FAM131B: variants seen among roughly 807,000 people sequenced by gnomAD.
FAM131B encodes family with sequence similarity 131 member B.
In FAM131B, 19 loss-of-function variants were observed where a neutral mutation model predicts 42.0. The observed-to-expected ratio is 0.45, with a 90% CI of 0.32 to 0.66. FAM131B has a LOEUF of 0.66. Ranked by LOEUF, FAM131B falls within the 30% of genes least tolerant of loss-of-function variation. The pLI is 0.05. For missense variants in FAM131B, 370 were observed against 468.4 expected, an observed-to-expected ratio of 0.79 and a Z score of 1.94; for synonymous variants, 183 against 177.6, an observed-to-expected ratio of 1.03 and a Z score of -0.24.
At position 143,356,787 on chromosome 7, in the gene FAM131B, C is replaced by A; in HGVS notation, c.846G>T (p.Gly282=). Residue 282 remains glycine, a synonymous_variant, in exon 7 of 7, where the codon GGG becomes GGT. Coordinates refer to ENST00000443739, the MANE Select transcript of FAM131B (RefSeq NM_001031690.3). This position sits in a 1 kb window ranked among gnomAD's most constrained non-coding sequence, Gnocchi z 4.4. ...CCCCCGGAGCCCAGTCAGTGTCTCC[C>A]CCCAGCAAAGGTGGAGGCTCCAGAG... is the stretch of plus-strand genomic sequence containing the variant. ...YSALEPPPLL[G]GDTDWAPGVG... The A allele has an allele frequency of 1.2e-6, 2 of 1,614,144 alleles. No homozygotes were observed.
At chr7:143,369,126 T>A in the FAM131B span, among the ~76,000 whole-genome samples, 1 of 152,190 alleles carries the variant, frequency 6.6e-6, no homozygotes, top group South Asian at 2.1e-4. Flanking sequence ...CAAGGAAAAT[T>A]CACCTCTCAG....
upstream of FAM131B, chr7:143,363,797 G>A (rs1804107361): frequency 6.6e-6 from 1 of 152,228 alleles, no homozygotes; most frequent in Non-Finnish European, 1.5e-5. Flanking sequence ...CCACTTTTAG[G>A]TCTCTCCGAG....
intron 6 of FAM131B, 56 bp downstream of exon 6, chr7:143,357,224 A>G: frequency 6.4e-7 from 1 of 1,570,718 alleles, no homozygotes; most frequent in Non-Finnish European, 8.7e-7. Context: ...GAGGCAGCTG[A>G]GATAGTTGGG....
At chr7:143,382,151 G>T in the FAM131B span, 1 of 1,045,552 alleles carries the variant, frequency 9.6e-7, no homozygotes, top group South Asian at 1.5e-5. Flanking sequence ...GGACCCCTGA[G>T]AGAGTTCTTG....
chr7:143,367,838 C>T, the FAM131B span, among the ~76,000 whole-genome samples: 3 of 152,210 alleles, frequency 2.0e-5, no homozygotes, highest in South Asian at 2.1e-4. Context: ...CCCCAAATCA[C>T]GTTCTGTAGG....
upstream of FAM131B, among the ~76,000 whole-genome samples, chr7:143,366,178 G>A (rs147353610): frequency 1.6e-4 from 24 of 152,292 alleles, no homozygotes; most frequent in African/African-American, 5.1e-4. Flanking sequence ...ATGGATACAC[G>A]TTCTTTCACG....
intron 1 of FAM131B, chr7:143,361,659 C>T (rs1803992060): frequency 6.7e-6 from 1 of 148,962 alleles, no homozygotes; most frequent in South Asian, 2.1e-4. Flanking sequence ...CGGATGAATT[C>T]GCTGAGCGGC....
At chr7:143,378,571 ATTTTT>A in the FAM131B span, among the ~76,000 whole-genome samples, 27 of 103,304 alleles carry the variant, frequency 2.6e-4, no homozygotes, top group Admixed American at 5.8e-4. Context: ...CATTTCCTGC[ATTTTT>A]TTTTTTTTTT....
At chr7:143,382,235 C>T in the FAM131B span, 2 of 1,610,850 alleles carry the variant, frequency 1.2e-6, no homozygotes, top group South Asian at 1.1e-5. Flanking sequence ...CGTCTTTCTC[C>T]TTCCTACCCC....
At chr7:143,373,984 A>C in the FAM131B span, among the ~76,000 whole-genome samples, 2 of 152,160 alleles carry the variant, frequency 1.3e-5, no homozygotes, top group South Asian at 4.1e-4. Context: ...TTTACTCAGA[A>C]AGTGCATACC....
At position 143,358,763 on chromosome 7, in the gene FAM131B, G is replaced by T; in HGVS notation, c.466+64C>A. The T allele has an allele frequency of 7.6e-7, 1 of 1,324,356 alleles. No individual in the cohort carries two copies. Among genetic ancestry groups the T allele is most frequent in the Non-Finnish European group, 1.1e-6 (1 of 930,814 alleles). 82.0% of individuals were successfully genotyped at this position (1,324,356 alleles called of 1,614,324 possible). On this transcript the variant is annotated intron_variant, in intron 5 of 6. Coordinates refer to ENST00000443739, the MANE Select transcript of FAM131B (RefSeq NM_001031690.3). This position sits in a 1 kb window ranked among gnomAD's most constrained non-coding sequence, Gnocchi z 4.7. ...GAGCTAATCCTGCCACAGGGGATCA[G>T]GTTGGAGGGTCGGTCCCTGGCCATC...
Position 143,362,658 on chromosome 7 carries a change from G to T in FAM131B, c.-55C>A. On this transcript the variant is annotated 5_prime_UTR_variant, in exon 1 of 7. Transcript: ENST00000443739. The surrounding 1 kb of genome is among the most constrained non-coding windows in gnomAD (Gnocchi z 7.7). Reference sequence around the variant, plus strand: ...ACCGACTCGGGGCGCGCGCCGGGGGGAGCACCGGGAGCCGCGCCGCCGCCC... The same window carrying T: ...ACCGACTCGGGGCGCGCGCCGGGGGTAGCACCGGGAGCCGCGCCGCCGCCC... The T allele has an allele frequency of 9.4e-7, 1 of 1,068,862 alleles. No individual in the cohort carries two copies. Among genetic ancestry groups the T allele is most frequent in the Non-Finnish European group, 1.2e-6 (1 of 851,864 alleles). 66.2% of individuals were successfully genotyped at this position (1,068,862 alleles called of 1,614,324 possible).
chr7:143,362,754 C>T (rs927536330), upstream of FAM131B: 3 of 272,790 alleles, frequency 1.1e-5, no homozygotes, highest in Non-Finnish European at 1.9e-5. The surrounding 1 kb of genome is among the most constrained non-coding windows in gnomAD (Gnocchi z 7.7). Context: ...TCCCTCCCCA[C>T]GGCAGCTCCG....
At position 143,354,370 on chromosome 7, in the gene FAM131B, A is replaced by C. The variant is rs117785146; in HGVS notation, c.*2180T>G. 2,378 of 152,352 alleles carry C rather than the reference A, an allele frequency of 0.016. 23 individuals are homozygous for C. The highest frequency in any genetic ancestry group is 0.022 in the Non-Finnish European group (1,471 of 68,038). The allele number at this position is 152,352 out of a possible 1,614,324, so 9.4% of individuals were successfully genotyped here. On this transcript the variant is annotated 3_prime_UTR_variant, in exon 7 of 7. Transcript: ENST00000443739. ...CCGGGCCTGAGCAAAAACGAACTGT[A>C]ATGAATGAACGCACTCACTAGGTGA... is the stretch of plus-strand genomic sequence containing the variant.
In FAM131B at chr7:143,357,001, A is replaced by C. The variant is rs573055780; in HGVS notation, c.632T>G (p.Met211Arg). The C allele has an allele frequency of 6.2e-7, 1 of 1,612,730 alleles. No individual in the cohort carries two copies. The highest frequency in any genetic ancestry group is 8.5e-7 in the Non-Finnish European group (1 of 1,179,108). The change falls in exon 7 of 7, where the codon ATG (methionine) becomes AGG (arginine). Residue 211 changes from methionine to arginine, a missense_variant. Coordinates refer to ENST00000443739, the MANE Select transcript of FAM131B (RefSeq NM_001031690.3). ...DSQDALAQAP[M>R]DGWPHSYVSQ... is the part of the protein sequence containing the mutation. ...CACGTAAGAGTGAGGCCATCCATCC[A>C]TGGGTGCTTGAGCCAGGGCATCTGG...
At chr7:143,367,516 C>A (rs1804207401), upstream of FAM131B, among the ~76,000 whole-genome samples, 1 of 152,094 alleles carries the variant, frequency 6.6e-6, no homozygotes, top group Non-Finnish European at 1.5e-5. Flanking sequence ...ACCAGCCTGA[C>A]CAATATGGTG....
chr7:143,364,065 G>A (rs374107038), upstream of FAM131B: 2 of 152,146 alleles, frequency 1.3e-5, no homozygotes, highest in African/African-American at 4.8e-5. Context: ...ATAAAACCGC[G>A]GGAAGGAATG....
At chr7:143,373,293 G>T in the FAM131B span, among the ~76,000 whole-genome samples, 1 of 152,074 alleles carries the variant, frequency 6.6e-6, no homozygotes, top group Non-Finnish European at 1.5e-5. Context: ...TGAGGCAGGA[G>T]AATCGCTTGA....
chr7:143,379,849 A>C, the FAM131B span: 1 of 156,904 alleles, frequency 6.4e-6, no homozygotes, highest in Non-Finnish European at 1.4e-5. Context: ...TATCCTGCCC[A>C]GTGTTGCTTC....
Sources: gnomAD v4.1 joint callset for allele counts (sites outside exome capture counted in the v4.1 genomes callset) on GRCh38, gnomAD v4.1.1 for gene constraint, Gnocchi (gnomAD v3.1) non-coding constraint, MANE v1.5 for transcripts, NCBI Gene and HGNC (gene_info 2026-07-23, HGNC 2026-07-21) for gene names.